C8orf34: variants seen among roughly 807,000 people sequenced by gnomAD.
C8orf34 encodes the protein uncharacterized protein C8orf34.
C8orf34 carries 65 observed loss-of-function variants against 68.3 expected under a neutral mutation model. The observed-to-expected ratio is 0.95, with a 90% confidence interval of 0.78 to 1.17. C8orf34 has a LOEUF of 1.17. Ranked by LOEUF, C8orf34 falls within the 50% of genes most tolerant of loss-of-function variation. The pLI, the probability that C8orf34 is intolerant of heterozygous loss-of-function variation, is 0.00. For missense variants in C8orf34, 664 were observed against 655.4 expected (o/e 1.01, Z -0.14); for synonymous variants, 244 against 241.2 (o/e 1.01, Z -0.11).
intron 1 of C8orf34, among the ~76,000 whole-genome samples, chr8:68,375,531 T>C (rs867841371): frequency 1.3e-5 from 2 of 152,214 alleles, no homozygotes; most frequent in African/African-American, 4.8e-5. Flanking sequence ...TTCAAGTATT[T>C]CTGCTTTTAT....
intron 1 of C8orf34, among the ~76,000 whole-genome samples, chr8:68,413,677 A>T (rs1809539948): frequency 6.6e-6 from 1 of 151,968 alleles, no homozygotes; most frequent in Admixed American, 6.6e-5. Context: ...GCTTTTATTG[A>T]CTCTTTCCCC....
intron 7 of C8orf34, among the ~76,000 whole-genome samples, chr8:68,562,241 A>G (rs142878608): frequency 2.4e-3 from 364 of 152,272 alleles, no homozygotes; most frequent in African/African-American, 7.8e-3. Context: ...CTTCATTATA[A>G]TCTTATGAGA....
intron 6 of C8orf34, among the ~76,000 whole-genome samples, chr8:68,531,017 A>G (rs1815221551): frequency 6.6e-6 from 1 of 152,126 alleles, no homozygotes; most frequent in Admixed American, 6.5e-5. Flanking sequence ...ACATTTTACC[A>G]TCTTTATCTA....
Position 68,581,800 on chromosome 8 carries a change from C to G in C8orf34, c.1105+48651C>G, listed in dbSNP as rs79844766. ...GCATTTCTGTTGCAGGGGCAAGAAT[C>G]CTTTATCATTGTCTCACCTTCCAAA... On this transcript the variant is annotated intron_variant, in intron 7 of 13. Transcript: ENST00000518698. 1.5e-3 allele frequency among the ~76,000 whole-genome samples: 229 copies of G among 152,228 alleles called. 1 individual carries two copies. The highest frequency in any genetic ancestry group is 8.7e-3 in the East Asian group (45 of 5,156).
intron 7 of C8orf34, among the ~76,000 whole-genome samples, chr8:68,587,203 A>G (rs553068061): frequency 7.2e-5 from 11 of 152,114 alleles, no homozygotes; most frequent in Non-Finnish European, 1.5e-4. Flanking sequence ...GTAATCTATC[A>G]TAGGATTTCT....
intron 7 of C8orf34, among the ~76,000 whole-genome samples, chr8:68,572,747 T>C (rs988874060): frequency 7.2e-5 from 11 of 152,284 alleles, no homozygotes; most frequent in African/African-American, 1.7e-4. Context: ...TTGGGTTTTA[T>C]GCCTGGTGTT....
At chr8:68,494,621 C>T (rs532544076) in intron 5 of C8orf34, among the ~76,000 whole-genome samples, 287 of 151,992 alleles carry the variant, frequency 1.9e-3, no homozygotes, top group Non-Finnish European at 3.1e-3. Flanking sequence ...TTTGGTAGGC[C>T]GAGGAGGTGG....
chr8:68,587,645 T>C (rs1270419281), intron 7 of C8orf34, among the ~76,000 whole-genome samples: 1 of 152,122 alleles, frequency 6.6e-6, no homozygotes, highest in African/African-American at 2.4e-5. Flanking sequence ...TATTAAAAAG[T>C]ATATTTAATA....
intron 5 of C8orf34, among the ~76,000 whole-genome samples, chr8:68,500,777 G>A (rs1813733828): frequency 6.6e-6 from 1 of 152,046 alleles, no homozygotes; most frequent in Non-Finnish European, 1.5e-5. Context: ...TAACATTCGG[G>A]CAAATCAGGG....
intron 7 of C8orf34, among the ~76,000 whole-genome samples, chr8:68,583,514 A>T (rs2130367213): frequency 6.6e-6 from 1 of 152,216 alleles, no homozygotes; most frequent in Admixed American, 6.5e-5. Context: ...AATCTCAACA[A>T]ATTCTTCAGG....
chr8:68,486,167 A>G lies in C8orf34; in HGVS notation c.737-1856A>G, dbSNP rs543899266. ...TATATTTTTTAAGCCCAAAAATTCC[A>G]CAAATGTATGATTTATGTTAGGTCT... is the stretch of plus-strand genomic sequence containing the variant. On this transcript the variant is annotated intron_variant, in intron 4 of 13. Coordinates refer to ENST00000518698, the MANE Select transcript of C8orf34 (RefSeq NM_052958.4). Among the ~76,000 whole-genome samples, 4 of 152,242 alleles carry G rather than the reference A, an allele frequency of 2.6e-5. No individual in the cohort carries two copies. In the East Asian group the frequency reaches 7.7e-4, roughly 29 times the overall value.
intron 7 of C8orf34, among the ~76,000 whole-genome samples, chr8:68,601,148 G>A (rs1352113883): frequency 2.6e-5 from 4 of 152,002 alleles, no homozygotes; most frequent in African/African-American, 4.8e-5. Context: ...TAAATCATGC[G>A]CTGTTTCTTC....
chr8:68,389,117 G>A (rs1238985576), intron 1 of C8orf34, among the ~76,000 whole-genome samples: 4 of 152,140 alleles, frequency 2.6e-5, no homozygotes, highest in Admixed American at 2.6e-4. Flanking sequence ...TCATTTTGCA[G>A]AGATTCATTA....
At chr8:68,775,618 T>C (rs531562101) in intron 10 of C8orf34, among the ~76,000 whole-genome samples, 2 of 152,346 alleles carry the variant, frequency 1.3e-5, no homozygotes, top group South Asian at 2.1e-4. Flanking sequence ...AGGTTAATTG[T>C]CTGTCCTCTA....
chr8:68,534,448 T>G (rs886369272), intron 7 of C8orf34: 1 of 714,322 alleles, frequency 1.4e-6, no homozygotes, highest in South Asian at 6.3e-5. Flanking sequence ...TTGAAGGAAT[T>G]TTACATTGTA....
intron 1 of C8orf34, among the ~76,000 whole-genome samples, chr8:68,411,819 C>T (rs952091005): frequency 1.3e-5 from 2 of 152,130 alleles, no homozygotes; most frequent in Non-Finnish European, 2.9e-5. Context: ...AATGCTATGG[C>T]TTTTATTTTC....
intron 4 of C8orf34, among the ~76,000 whole-genome samples, chr8:68,483,486 G>A (rs973047948): frequency 8.5e-5 from 13 of 152,148 alleles, no homozygotes; most frequent in Non-Finnish European, 5.9e-5. Context: ...AAGGGCATAC[G>A]TGATTTAGAA....
chr8:68,794,506 T>TATATATATATATATACATA (rs58048066), intron 12 of C8orf34, among the ~76,000 whole-genome samples: 3 of 59,046 alleles, frequency 5.1e-5, no homozygotes, highest in Non-Finnish European at 8.9e-5. Context: ...TATATATATA[T>TATATATATATATATACATA]TTTTTTTTTT....
chr8:68,777,543 C>A (rs1189547145), intron 11 of C8orf34, among the ~76,000 whole-genome samples: 1 of 152,144 alleles, frequency 6.6e-6, no homozygotes, highest in Non-Finnish European at 1.5e-5. Context: ...AGACTGTGGT[C>A]CTCTGACTAC....
Sources: allele counts gnomAD v4.1 joint callset (sites outside exome capture counted in the v4.1 genomes callset), GRCh38; gene constraint gnomAD v4.1.1; transcripts MANE v1.5; gene names NCBI Gene and HGNC (gene_info 2026-07-23, HGNC 2026-07-21).